NAV2: variants seen among roughly 807,000 people sequenced by gnomAD.
The protein encoded by NAV2 is helicase, APC down-regulated 1.
In NAV2, 54 loss-of-function variants were observed where a neutral mutation model predicts 223.2. The observed-to-expected ratio is 0.24, with a 90% CI of 0.19 to 0.30. The LOEUF is 0.30. Among genes scored for constraint, NAV2 ranks in the 10% least tolerant of loss-of-function variants. The pLI, the probability that NAV2 is intolerant of heterozygous loss-of-function variation, is 1.00. For missense variants in NAV2, 2,806 were observed against 3,147.5 expected (o/e 0.89, Z 2.60); for synonymous variants, 1,279 against 1,239.3 (o/e 1.03, Z -0.67).
intron 1 of NAV2, among the ~76,000 whole-genome samples, chr11:19,721,957 T>G (rs1271412818): frequency 6.6e-6 from 1 of 152,248 alleles, no homozygotes; most frequent in African/African-American, 2.4e-5. Flanking sequence ...AAGATATATG[T>G]GCACGTCTTT....
intron 1 of NAV2, among the ~76,000 whole-genome samples, chr11:19,398,054 A>G (rs1333771732): frequency 1.3e-5 from 2 of 152,208 alleles, no homozygotes; most frequent in East Asian, 3.8e-4. Flanking sequence ...GTATTAGATC[A>G]TTCTTGCATT....
chr11:19,831,543 A>G (rs1425225694), intron 1 of NAV2, among the ~76,000 whole-genome samples: 1 of 152,170 alleles, frequency 6.6e-6, no homozygotes, highest in Non-Finnish European at 1.5e-5. Context: ...ACATGTTCAC[A>G]TATACACTCT....
At chr11:20,109,546 T>A (rs2062451238) in intron 36 of NAV2, among the ~76,000 whole-genome samples, 1 of 152,200 alleles carries the variant, frequency 6.6e-6, no homozygotes, top group South Asian at 2.1e-4. Context: ...AGTGGAAGCA[T>A]CTCCTACCTG....
intron 1 of NAV2, among the ~76,000 whole-genome samples, chr11:19,611,039 C>G (rs867726370): frequency 6.6e-6 from 1 of 152,194 alleles, no homozygotes; most frequent in African/African-American, 2.4e-5. Flanking sequence ...ATTGGACTTA[C>G]AGTTCCACAT....
rs1849810576 is a variant in NAV2, at chr11:19,404,434, C to T, written c.75+53407C>T. Among the ~76,000 whole-genome samples the T allele has an allele frequency of 2.0e-5, 3 of 152,188 alleles. No individual in the cohort carries two copies. In the South Asian group the frequency reaches 6.2e-4, roughly 32 times the overall value. The stretch of plus-strand genomic sequence containing the variant: ...TCAGCAGTGCCTCACTGCGAATAAG[C>T]ATCTCCTCCTGAATTGAGTTGTGGG... On this transcript the variant is annotated intron_variant, in intron 1 of 37. Coordinates refer to the NAV2 transcript ENST00000360655.
intron 1 of NAV2, among the ~76,000 whole-genome samples, chr11:19,542,052 T>C (rs1305213020): frequency 6.6e-6 from 1 of 152,152 alleles, no homozygotes; most frequent in Non-Finnish European, 1.5e-5. Flanking sequence ...GTTAGAGTCT[T>C]AGAGGTCGGC....
At chr11:19,934,877 G>A (rs1457641475) in intron 7 of NAV2, among the ~76,000 whole-genome samples, 1 of 152,086 alleles carries the variant, frequency 6.6e-6, no homozygotes, top group Non-Finnish European at 1.5e-5. Flanking sequence ...CTGGGTGTTT[G>A]TGGAGATGGA....
At chr11:19,907,034 C>T (rs1436130458) in intron 6 of NAV2, among the ~76,000 whole-genome samples, 1 of 152,200 alleles carries the variant, frequency 6.6e-6, no homozygotes, top group Non-Finnish European at 1.5e-5. Flanking sequence ...CACCTCTGAA[C>T]TTCACATTCC....
At chr11:19,668,899 C>T (rs1327922676) in intron 1 of NAV2, among the ~76,000 whole-genome samples, 1 of 152,140 alleles carries the variant, frequency 6.6e-6, no homozygotes, top group East Asian at 1.9e-4. Flanking sequence ...CTATTTCATG[C>T]TTGTTGAGTG....
intron 1 of NAV2, among the ~76,000 whole-genome samples, chr11:19,661,998 A>G (rs954343038): frequency 2.6e-5 from 4 of 152,188 alleles, no homozygotes; most frequent in African/African-American, 9.7e-5. Flanking sequence ...GCTGCCTGGA[A>G]TGCAGTGGAA....
chr11:20,053,908 G>GA lies in NAV2; in HGVS notation c.4482-166dup, dbSNP rs200021868. Among the ~76,000 whole-genome samples the GA allele has an allele frequency of 1.5e-3, 226 of 152,184 alleles. 2 individuals are homozygous for GA. The highest frequency in any genetic ancestry group is 0.011 in the East Asian group (55 of 5,188). On this transcript the variant is annotated intron_variant, in intron 17 of 37. Coordinates refer to ENST00000349880, the MANE Select transcript of NAV2 (RefSeq NM_145117.5). ...CATTTTCCCCAAACACAGCCAAATA[G>GA]AAAAAAGGTTTTGAGAAACTTCATA...
At chr11:19,892,767 T>TG (rs1246581218) in intron 6 of NAV2, among the ~76,000 whole-genome samples, 173 bp downstream of exon 6, 2 of 152,176 alleles carry the variant, frequency 1.3e-5, no homozygotes, top group Non-Finnish European at 2.9e-5. Flanking sequence ...ATTAATAAAG[T>TG]GGGGGAAAAT....
intron 1 of NAV2, among the ~76,000 whole-genome samples, chr11:19,490,315 C>A (rs1006488026): frequency 2.0e-5 from 3 of 152,282 alleles, no homozygotes; most frequent in Admixed American, 6.5e-5. Context: ...CAAAAGATTT[C>A]TCTGTAGCAT....
intron 25 of NAV2, 102 bp from the exon 26 acceptor site, chr11:20,082,905 A>C: frequency 8.7e-7 from 1 of 1,147,406 alleles, no homozygotes. Context: ...TGGGGGGAAA[A>C]ACATGGGAGA....
intron 1 of NAV2, among the ~76,000 whole-genome samples, chr11:19,770,354 G>A (rs1348448149): frequency 2.0e-5 from 3 of 152,054 alleles, no homozygotes; most frequent in African/African-American, 4.8e-5. Flanking sequence ...AATGGCCACA[G>A]GTCCCCATGC....
At chr11:19,524,166 G>T (rs1167074879) in intron 1 of NAV2, among the ~76,000 whole-genome samples, 6 of 152,278 alleles carry the variant, frequency 3.9e-5, no homozygotes, top group African/African-American at 1.4e-4. Context: ...TGGAGCCCTG[G>T]CATTTGACAT....
intron 1 of NAV2, among the ~76,000 whole-genome samples, chr11:19,626,937 A>T (rs1449155203): frequency 6.6e-6 from 1 of 152,188 alleles, no homozygotes; most frequent in African/African-American, 2.4e-5. Flanking sequence ...ATAGTTATGG[A>T]GATTAGCTGA....
intron 1 of NAV2, among the ~76,000 whole-genome samples, chr11:19,555,832 C>T (rs532587970): frequency 2.6e-5 from 4 of 152,194 alleles, no homozygotes; most frequent in South Asian, 4.2e-4. Context: ...GTACCTTCCT[C>T]GAGCCCACCC....
chr11:19,808,776 T>C (rs1048370787), intron 1 of NAV2, among the ~76,000 whole-genome samples: 2 of 152,238 alleles, frequency 1.3e-5, no homozygotes, highest in African/African-American at 4.8e-5. Context: ...TTTTTTCCCC[T>C]TAGAAATAAA....
Sources: allele counts gnomAD v4.1 joint callset (sites outside exome capture counted in the v4.1 genomes callset), GRCh38; gene constraint gnomAD v4.1.1; transcripts MANE v1.5; gene names NCBI Gene and HGNC (gene_info 2026-07-23, HGNC 2026-07-21).